The following ECE2 variants were observed in gnomAD, a reference collection of about 807,000 sequenced individuals.
ECE2 encodes the protein endothelin-converting enzyme 2.
ECE2 carries 81 observed loss-of-function variants against 100.6 expected under a neutral mutation model. The observed-to-expected ratio is 0.81, with a 90% CI of 0.67 to 0.97. The LOEUF (loss-of-function observed/expected upper bound fraction) is 0.97. Among genes scored for constraint, ECE2 ranks in the 50% least tolerant of loss-of-function variants. ECE2 has a pLI of 0.00. For synonymous variants in ECE2, 391 were observed against 391.5 expected (o/e 1.00, Z 0.02); for missense variants, 911 against 988.1 (o/e 0.92, Z 1.05).
In ECE2 at chr3:184,277,016, A is replaced by G. The variant is rs761530374; in HGVS notation, c.251A>G (p.Gln84Arg). The change falls in exon 3 of 19, where the codon CAG becomes CGG. Residue 84 changes from glutamine to arginine, a missense_variant. By Grantham distance (43) the Gln-to-Arg change is conservative (BLOSUM62 1). Transcript: ENST00000404464. ...GGCTGCCTTGTGGCCCTAGGGGTCCAGTACCACAGAGGTAGGTGGGCCCAC... is the reference window on the plus strand; with the variant it reads ...GGCTGCCTTGTGGCCCTAGGGGTCCGGTACCACAGAGGTAGGTGGGCCCAC... ...LLGCLVALGV[Q>R]YHRDPSHSTC... The G allele has an allele frequency of 1.9e-6, 3 of 1,613,902 alleles. No individual in the cohort carries two copies. The African/African-American group carries it at 4.0e-5, about 22-fold the overall frequency.
In ECE2 at chr3:184,277,959, G is replaced by A. The variant is rs1720638492; in HGVS notation, c.513G>A (p.Glu171=). ...NTTFNSSSEA[E]QKTQRFYLSC... ...CCTTCAACTCCAGCAGTGAAGCTGA[G>A]CAGAAGACACAGCGCTTCTACCTAT... is the stretch of plus-strand genomic sequence containing the variant. The change falls in exon 5 of 19, where the codon GAG becomes GAA. Residue 171 remains glutamate, a synonymous_variant. Transcript: ENST00000404464. 1.2e-6 allele frequency: 2 copies of A among 1,613,200 alleles called. No individual in the cohort carries two copies. Among genetic ancestry groups the A allele is most frequent in the Non-Finnish European group, 1.7e-6 (2 of 1,180,034 alleles).
In ECE2 at chr3:184,291,583, C is replaced by T. The variant is rs1000078792; in HGVS notation, c.2121+144C>T. 16 of 833,590 alleles carry T rather than the reference C, an allele frequency of 1.9e-5. No individual in the cohort carries two copies. In the African/African-American group the frequency reaches 2.4e-4, roughly 13 times the overall value. The allele number at this position is 833,590 out of a possible 1,614,324, so 51.6% of individuals were successfully genotyped here. A position where few individuals can be genotyped will look rare whatever the true frequency, so the allele number is the denominator to read the frequency against. ...GCATGAAAGGTGGGCTGGGAAGGCC[C>T]ATGCCCAGAGCCTCCGGCCAGCCAG... On this transcript the variant is annotated intron_variant, in intron 18 of 18. Transcript: ENST00000404464. The surrounding 1 kb of genome is among the most constrained non-coding windows in gnomAD (Gnocchi z 4.1).
Position 184,292,636 on chromosome 3 carries a change from G to C in ECE2, c.*398G>C, listed in dbSNP as rs1457157653. On this transcript the variant is annotated 3_prime_UTR_variant, in exon 19 of 19. Transcript: ENST00000404464. Reference sequence around the variant, plus strand: ...GTGTACCTCCTGGACTTCTCCCCAGGCTCACTCAGTGCGCACTTAGGGGTG... The same window carrying C: ...GTGTACCTCCTGGACTTCTCCCCAGCCTCACTCAGTGCGCACTTAGGGGTG... The C allele has an allele frequency of 4.3e-6, 1 of 230,214 alleles. No homozygotes were observed. Among genetic ancestry groups the C allele is most frequent in the Non-Finnish European group, 8.7e-6 (1 of 114,596 alleles). 14.3% of individuals were successfully genotyped at this position (230,214 alleles called of 1,614,324 possible). A position where few individuals can be genotyped will look rare whatever the true frequency, so the allele number is the denominator to read the frequency against.
rs530767382 is a variant in ECE2, at chr3:184,276,576, G to A, written c.126+9G>A. On this transcript the variant is annotated intron_variant, in intron 2 of 18. Coordinates refer to ENST00000404464, the MANE Select transcript of ECE2 (RefSeq NM_001100121.2). ...CCCCGGACGCCATGGAGGTGGGCAA[G>A]GGGGCTTCCCCTTTCTCACCAGGCC... 5.8e-4 allele frequency: 931 copies of A among 1,605,638 alleles called. 2 individuals are homozygous for A. The highest frequency in any genetic ancestry group is 7.0e-4 in the Non-Finnish European group (823 of 1,176,816).
chr3:184,290,738 G>C (rs1721272792), intron 15 of ECE2, 55 bp from the exon 16 acceptor site: 1 of 1,612,734 alleles, frequency 6.2e-7, no homozygotes, highest in South Asian at 1.1e-5. Flanking sequence ...AGGGCTGGAG[G>C]TGGGATTCAG....
At position 184,291,209 on chromosome 3, in the gene ECE2, G is replaced by C; in HGVS notation, c.2004G>C (p.Gly668=). 1 of 1,612,744 alleles carries C rather than the reference G, an allele frequency of 6.2e-7. No homozygotes were observed. Residue 668 remains glycine, a synonymous_variant, in exon 17 of 19, where the codon GGG becomes GGC. Coordinates refer to ENST00000404464, the MANE Select transcript of ECE2 (RefSeq NM_001100121.2). This position sits in a 1 kb window ranked among gnomAD's most constrained non-coding sequence, Gnocchi z 4.1. ...QTLGENIADN[G]GLKAAYNAYK... ...TGGGGGAGAACATTGCTGACAACGG[G>C]GGGCTGAAGGCTGCCTACAATGTGA...
In ECE2 at chr3:184,285,300, G is replaced by C. The variant is rs1326195318; in HGVS notation, c.1149-178G>C. ...TCCCTGTGATCTCTGTCCCCCCACT[G>C]CTCTCCAACCTGACCTCTACAGGCA... On this transcript the variant is annotated intron_variant, in intron 9 of 18. Coordinates refer to ENST00000404464, the MANE Select transcript of ECE2 (RefSeq NM_001100121.2). Among the ~76,000 whole-genome samples, 6 of 152,140 alleles carry C rather than the reference G, an allele frequency of 3.9e-5. No homozygotes were observed. In the East Asian group the frequency reaches 1.2e-3, roughly 29 times the overall value.
At chr3:184,288,800 T>TG (rs1721180509) in intron 11 of ECE2, among the ~76,000 whole-genome samples, 1 of 152,228 alleles carries the variant, frequency 6.6e-6, no homozygotes, top group South Asian at 2.1e-4. Context: ...ATAACTGGTC[T>TG]GTTCTTCAAT....
chr3:184,284,523 CAA>C lies in ECE2; in HGVS notation c.1006-439_1006-438del, dbSNP rs573862821. 5.6e-3 allele frequency among the ~76,000 whole-genome samples: 656 copies of C among 117,178 alleles called. 15 individuals are homozygous for C. The highest frequency in any genetic ancestry group is 1.4e-3 in the Non-Finnish European group (84 of 59,364). 76.9% of individuals were successfully genotyped at this position (117,178 alleles called of 152,430 possible). On this transcript the variant is annotated intron_variant, in intron 8 of 18. Transcript: ENST00000404464. ...CGCCATTGCACTCCAGCTTGGGTGA[CAA>C]GAGCGAAACTCCATCTCAAAAAAAA...
At position 184,291,368 on chromosome 3, in the gene ECE2, C is replaced by T; in HGVS notation, c.2050C>T (p.His684Tyr). ...GGCTTACAAAGCATGGCTGAGAAAG[C>T]ATGGGGAGGAGCAGCAACTGCCAGC... ...YNAYKAWLRKHGEEQQLPAVG... is the reference protein window; with the variant it reads ...YNAYKAWLRKYGEEQQLPAVG... The change falls in exon 18 of 19, where the codon CAT becomes TAT. Residue 684 changes from histidine (H) to tyrosine (Y), a missense_variant. By Grantham distance (83) the His-to-Tyr change is moderately conservative. Transcript: ENST00000404464. The surrounding 1 kb of genome is among the most constrained non-coding windows in gnomAD (Gnocchi z 4.1). The T allele has an allele frequency of 6.2e-7, 1 of 1,608,760 alleles. No individual in the cohort carries two copies.
intron 10 of ECE2, 79 bp downstream of exon 10, chr3:184,285,671 T>C: frequency 9.6e-7 from 1 of 1,045,432 alleles, no homozygotes; most frequent in Non-Finnish European, 1.5e-6. Flanking sequence ...AGGCACCATG[T>C]GCCTCATGGT....
chr3:184,291,750 AG>A lies in ECE2; in HGVS notation c.2122-309del. On this transcript the variant is annotated intron_variant, in intron 18 of 18. Coordinates refer to ENST00000404464, the MANE Select transcript of ECE2 (RefSeq NM_001100121.2). The surrounding 1 kb of genome is among the most constrained non-coding windows in gnomAD (Gnocchi z 4.1). Reference sequence around the variant, plus strand: ...CGTTCATCCTCACGCTGTTCCTGTGAGGGAGACATGCAGGAAACGAAAGCTC... The same window carrying A: ...CGTTCATCCTCACGCTGTTCCTGTGAGGAGACATGCAGGAAACGAAAGCTC... 2.0e-6 allele frequency: 1 copy of A among 511,840 alleles called. No individual in the cohort carries two copies. Among genetic ancestry groups the A allele is most frequent in the Non-Finnish European group, 3.5e-6 (1 of 288,812 alleles). 31.7% of individuals were successfully genotyped at this position (511,840 alleles called of 1,614,324 possible).
At chr3:184,284,938 A>G in intron 8 of ECE2, 25 bp from the exon 9 acceptor site, 2 of 1,609,548 alleles carry the variant, frequency 1.2e-6, no homozygotes, top group Non-Finnish European at 1.7e-6. Context: ...TCGGGCAGGC[A>G]AGGCCTGAGA....
intron 9 of ECE2, 85 bp downstream of exon 9, chr3:184,285,190 A>G: frequency 6.5e-7 from 1 of 1,527,642 alleles, no homozygotes; most frequent in Middle Eastern, 2.0e-4. Flanking sequence ...GCCACACAGA[A>G]CAACATTTGG....
chr3:184,278,135 C>T (rs766075172), intron 5 of ECE2, 32 bp from the exon 6 acceptor site: 2 of 1,613,628 alleles, frequency 1.2e-6, no homozygotes, highest in Non-Finnish European at 1.7e-6. Context: ...GGAGCTCCTG[C>T]ACTAATCATT....
At chr3:184,287,766 G>T in intron 10 of ECE2, 71 bp from the exon 11 acceptor site, 1 of 1,380,844 alleles carries the variant, frequency 7.2e-7, no homozygotes, top group South Asian at 1.2e-5. Flanking sequence ...GCTAGCCCCA[G>T]TGACAGAGAA....
At chr3:184,277,594 G>T (rs1720623113) in intron 4 of ECE2, 128 bp downstream of exon 4, 8 of 1,075,752 alleles carry the variant, frequency 7.4e-6, no homozygotes. Context: ...ACTCCAGAGG[G>T]TGGGGAGGCA....
chr3:184,277,585 C>A, intron 4 of ECE2, 119 bp downstream of exon 4: 3 of 1,137,686 alleles, frequency 2.6e-6, no homozygotes, highest in Non-Finnish European at 2.5e-6. Context: ...TCTGTGAACA[C>A]TCCAGAGGGT....
intron 7 of ECE2, chr3:184,278,856 T>C (rs1720692870): frequency 4.5e-6 from 2 of 447,594 alleles, no homozygotes; most frequent in Middle Eastern, 6.3e-4. Flanking sequence ...AAGCGTTCAG[T>C]GTCGATGGGT....
Sources: allele counts gnomAD v4.1 joint callset (sites outside exome capture counted in the v4.1 genomes callset), GRCh38; gene constraint gnomAD v4.1.1; non-coding constraint Gnocchi (gnomAD v3.1); transcripts MANE v1.5; gene names NCBI Gene and HGNC (gene_info 2026-07-23, HGNC 2026-07-21).